The following PTGES variants were observed in gnomAD, a reference collection of about 807,000 sequenced individuals.
PTGES encodes the protein prostaglandin E synthase, also known as MGST1-like 1.
A neutral mutation model predicts 11.8 loss-of-function variants in PTGES; 3 were observed. The observed-to-expected ratio is 0.25, with a 90% CI of 0.12 to 0.66. The LOEUF is 0.66. Among genes scored for constraint, PTGES ranks in the 30% least tolerant of loss-of-function variants. The pLI is 0.82. For synonymous variants in PTGES, 94 were observed against 90.4 expected, an observed-to-expected ratio of 1.04 and a Z score of -0.22; for missense variants, 180 against 213.0, an observed-to-expected ratio of 0.85 and a Z score of 0.96.
rs1296336103 is a variant in PTGES at position 129,739,573 on chromosome 9, G to A, written c.*38C>T. ...CCAGGTATAGCCACGGCGGCTCTTG[G>A]CCCATGGTCTGGTGGCCAAGGAGGC... is the stretch of plus-strand genomic sequence containing the variant. On this transcript the variant is annotated 3_prime_UTR_variant, in exon 3 of 3. Coordinates refer to ENST00000340607, the MANE Select transcript of PTGES (RefSeq NM_004878.5). This position sits in a 1 kb window ranked among gnomAD's most constrained non-coding sequence, Gnocchi z 5.7. 1.3e-6 allele frequency: 2 copies of A among 1,539,496 alleles called. No individual in the cohort carries two copies. The highest frequency in any genetic ancestry group is 1.8e-6 in the Non-Finnish European group (2 of 1,140,654).
At chr9:129,743,910 G>A (rs890777935) in intron 2 of PTGES, among the ~76,000 whole-genome samples, 3 of 152,100 alleles carry the variant, frequency 2.0e-5, no homozygotes, top group Admixed American at 6.6e-5. Flanking sequence ...GTGCAGTGGC[G>A]TGATCTCGGC....
Position 129,739,695 on chromosome 9 carries a change from G to T in PTGES, c.375C>A (p.Ile125=), listed in dbSNP as rs776776541. 2.6e-6 allele frequency: 4 copies of T among 1,567,480 alleles called. No homozygotes were observed. In the African/African-American group the frequency reaches 4.1e-5, roughly 16 times the overall value. ...VAYLGKLRAP[I]RSVTYTLAQL... ...GGGCCAGGGTGTAGGTCACGGAGCG[G>T]ATGGGTGCCCGCAGCTTCCCCAGGT... The change falls in exon 3 of 3, where the codon ATC becomes ATA. Residue 125 remains isoleucine, a synonymous_variant. Coordinates refer to ENST00000340607, the MANE Select transcript of PTGES (RefSeq NM_004878.5). This position sits in a 1 kb window ranked among gnomAD's most constrained non-coding sequence, Gnocchi z 5.7.
chr9:129,742,640 G>A (rs1290327573), intron 2 of PTGES, among the ~76,000 whole-genome samples: 1 of 152,186 alleles, frequency 6.6e-6, no homozygotes, highest in South Asian at 2.1e-4. Flanking sequence ...TTGGGAGGCT[G>A]AGGCGGGCGG....
chr9:129,739,363 T>C lies in PTGES; in HGVS notation c.*248A>G, dbSNP rs1832968894. 2.0e-6 allele frequency: 1 copy of C among 496,786 alleles called. No individual in the cohort carries two copies. The highest frequency in any genetic ancestry group is 3.2e-5 in the South Asian group (1 of 31,558). 30.8% of individuals were successfully genotyped at this position (496,786 alleles called of 1,614,324 possible). On this transcript the variant is annotated 3_prime_UTR_variant, in exon 3 of 3. Coordinates refer to ENST00000340607, the MANE Select transcript of PTGES (RefSeq NM_004878.5). The surrounding 1 kb of genome is among the most constrained non-coding windows in gnomAD (Gnocchi z 5.7). Reference sequence around the variant, plus strand: ...GGATTTTCTATCAATCTTCACAATCTGTCTTGAAATGGTTCCCATCAGCCA... The same window carrying C: ...GGATTTTCTATCAATCTTCACAATCCGTCTTGAAATGGTTCCCATCAGCCA...
rs764810027 is a variant in PTGES at position 129,739,751 on chromosome 9, G to A, written c.319C>T (p.Leu107Phe). Reference protein sequence around the residue: ...FVAWMHFLVFLVGRVAHTVAY... With the variant: ...FVAWMHFLVFFVGRVAHTVAY... ...ACGGTGTGTGCCACACGGCCCACGA[G>A]GAAGACCAGGAAGTGCATCCAGGCG... Residue 107 changes from leucine to phenylalanine, a missense_variant, in exon 3 of 3, where the codon CTC (leucine) becomes TTC (phenylalanine). Coordinates refer to ENST00000340607, the MANE Select transcript of PTGES (RefSeq NM_004878.5). This position sits in a 1 kb window ranked among gnomAD's most constrained non-coding sequence, Gnocchi z 5.7. 4.3e-5 allele frequency: 68 copies of A among 1,581,024 alleles called. 4 individuals are homozygous for A. In the South Asian group the frequency reaches 7.4e-4, roughly 17 times the overall value.
intron 1 of PTGES, among the ~76,000 whole-genome samples, chr9:129,750,601 C>T (rs45589837): frequency 6.6e-6 from 1 of 152,166 alleles, no homozygotes; most frequent in Non-Finnish European, 1.5e-5. Context: ...CCAGTGTCAG[C>T]GGCCGAGGTG....
At chr9:129,746,873 A>G (rs1400635846) in intron 2 of PTGES, among the ~76,000 whole-genome samples, 1 of 152,230 alleles carries the variant, frequency 6.6e-6, no homozygotes, top group Non-Finnish European at 1.5e-5. Flanking sequence ...TGAAATTAGC[A>G]TTTAGTCTCT....
chr9:129,752,926 C>A lies in PTGES; in HGVS notation c.87G>T (p.Val29=), dbSNP rs377507041. The change falls in exon 1 of 3, where the codon GTG becomes GTT. Residue 29 remains valine, a synonymous_variant. Transcript: ENST00000340607. Reference sequence around the variant, plus strand: ...TCACTTGGCCCGTGATGATGGCCACCACGTACATCTTGATGACCAGCAGCG... The same window carrying A: ...TCACTTGGCCCGTGATGATGGCCACAACGTACATCTTGATGACCAGCAGCG... ...CSTLLVIKMY[V]VAIITGQVRL... 2 of 1,613,640 alleles carry A rather than the reference C, an allele frequency of 1.2e-6. No homozygotes were observed. The highest frequency in any genetic ancestry group is 8.5e-7 in the Non-Finnish European group (1 of 1,180,054).
intron 2 of PTGES, among the ~76,000 whole-genome samples, chr9:129,744,167 C>G (rs2130951591): frequency 6.6e-6 from 1 of 152,238 alleles, no homozygotes; most frequent in African/African-American, 2.4e-5. Context: ...AGATTTTAAG[C>G]AAGCCGCCAT....
At chr9:129,746,285 C>T (rs1833048011) in intron 2 of PTGES, among the ~76,000 whole-genome samples, 1 of 152,182 alleles carries the variant, frequency 6.6e-6, no homozygotes, top group Non-Finnish European at 1.5e-5. Context: ...TCCTGGCCTC[C>T]TGCTGCCTGG....
At chr9:129,752,523 C>T (rs927504250) in intron 1 of PTGES, among the ~76,000 whole-genome samples, 1 of 152,224 alleles carries the variant, frequency 6.6e-6, no homozygotes, top group Non-Finnish European at 1.5e-5. Context: ...TCCCACTCCA[C>T]CCAGATATCA....
chr9:129,748,215 TA>T (rs67000610), intron 2 of PTGES, among the ~76,000 whole-genome samples: 4,311 of 71,024 alleles, frequency 0.061, 63 homozygotes, highest in African/African-American at 0.085. Flanking sequence ...GTTGCCATAT[TA>T]AAAAAAAAAA....
intron 2 of PTGES, among the ~76,000 whole-genome samples, chr9:129,740,809 G>A (rs918447449): frequency 1.3e-5 from 2 of 152,190 alleles, no homozygotes; most frequent in African/African-American, 4.8e-5. Flanking sequence ...TGCCACATTG[G>A]AAGCTCAAAT....
intron 2 of PTGES, among the ~76,000 whole-genome samples, chr9:129,743,196 G>A (rs1163357166): frequency 6.6e-6 from 1 of 152,176 alleles, no homozygotes; most frequent in African/African-American, 2.4e-5. Flanking sequence ...AGCCCCTGGG[G>A]CTGGCCCAGC....
At position 129,748,639 on chromosome 9, in the gene PTGES, G is replaced by A. The variant is rs1188410977; in HGVS notation, c.209+16C>T. On this transcript the variant is annotated intron_variant, in intron 2 of 2. Coordinates refer to ENST00000340607, the MANE Select transcript of PTGES (RefSeq NM_004878.5). ...CATGGCCAGGTGTGGCCAGGCCAGGGGCCCGAAGTACTTGCCTGAGGCAGC... is the reference window on the plus strand; with the variant it reads ...CATGGCCAGGTGTGGCCAGGCCAGGAGCCCGAAGTACTTGCCTGAGGCAGC... 1 of 1,561,488 alleles carries A rather than the reference G, an allele frequency of 6.4e-7. No homozygotes were observed. Among genetic ancestry groups the A allele is most frequent in the Admixed American group, 2.1e-5 (1 of 48,362 alleles).
At chr9:129,741,643 C>T (rs887560531) in intron 2 of PTGES, among the ~76,000 whole-genome samples, 2 of 152,158 alleles carry the variant, frequency 1.3e-5, no homozygotes, top group African/African-American at 4.8e-5. Flanking sequence ...TACAGACTCA[C>T]GCCTGTAATC....
chr9:129,752,094 C>T (rs1311141462), intron 1 of PTGES, among the ~76,000 whole-genome samples: 1 of 152,224 alleles, frequency 6.6e-6, no homozygotes, highest in Non-Finnish European at 1.5e-5. Context: ...CCCCAGGATC[C>T]ACCCGCATGC....
Position 129,739,555 on chromosome 9 carries a change from T to G in PTGES, c.*56A>C. ...GGAAGGAACATCAAGTCCCCAGGTA[T>G]AGCCACGGCGGCTCTTGGCCCATGG... is the stretch of plus-strand genomic sequence containing the variant. On this transcript the variant is annotated 3_prime_UTR_variant, in exon 3 of 3. Coordinates refer to ENST00000340607, the MANE Select transcript of PTGES (RefSeq NM_004878.5). This position sits in a 1 kb window ranked among gnomAD's most constrained non-coding sequence, Gnocchi z 5.7. 1.3e-6 allele frequency: 2 copies of G among 1,522,588 alleles called. No homozygotes were observed. The highest frequency in any genetic ancestry group is 1.8e-6 in the Non-Finnish European group (2 of 1,132,754). The allele number at this position is 1,522,588 out of a possible 1,614,324, so 94.3% of individuals were successfully genotyped here. A position where few individuals can be genotyped will look rare whatever the true frequency, so the allele number is the denominator to read the frequency against.
chr9:129,748,367 CT>C (rs1304053945), intron 2 of PTGES, among the ~76,000 whole-genome samples: 9 of 152,172 alleles, frequency 5.9e-5, no homozygotes, highest in Admixed American at 3.3e-4. Flanking sequence ...GTGTTTGCCC[CT>C]GGCCAGTAGA....
Sources: allele counts gnomAD v4.1 joint callset (sites outside exome capture counted in the v4.1 genomes callset), GRCh38; gene constraint gnomAD v4.1.1; non-coding constraint Gnocchi (gnomAD v3.1); transcripts MANE v1.5; gene names NCBI Gene and HGNC (gene_info 2026-07-23, HGNC 2026-07-21).